WASHC4: variants seen among roughly 807,000 people sequenced by gnomAD.
WASHC4 encodes the protein WASH complex subunit 7.
In WASHC4, 86 loss-of-function variants were observed where a neutral mutation model predicts 166.6. That is an observed-to-expected ratio of 0.52 (90% CI 0.43 to 0.62). The LOEUF (loss-of-function observed/expected upper bound fraction) is 0.62. Among genes scored for constraint, WASHC4 ranks in the 20% least tolerant of loss-of-function variants. WASHC4 has a pLI of 0.00. For missense variants in WASHC4, 1,262 were observed against 1,382.4 expected (o/e 0.91, Z 1.38); for synonymous variants, 446 against 451.6 (o/e 0.99, Z 0.16).
intron 13 of WASHC4, among the ~76,000 whole-genome samples, chr12:105,128,993 TGGAG>T (rs1204132563): frequency 6.6e-6 from 1 of 151,072 alleles, no homozygotes; most frequent in African/African-American, 2.4e-5. Context: ...TCGCCCAGGC[TGGAG>T]TGCAGTGGTG....
chr12:105,110,059 A>G (rs2135715751), intron 1 of WASHC4, among the ~76,000 whole-genome samples: 1 of 152,320 alleles, frequency 6.6e-6, no homozygotes, highest in South Asian at 2.1e-4. Flanking sequence ...CTTGGCGTTC[A>G]TTAATTTTTG....
chr12:105,137,930 A>G lies in WASHC4; in HGVS notation c.1371A>G (p.Thr457=). 1 of 1,612,078 alleles carries G rather than the reference A, an allele frequency of 6.2e-7. No homozygotes were observed. Among genetic ancestry groups the G allele is most frequent in the Non-Finnish European group, 8.5e-7 (1 of 1,178,324 alleles). ...AYSISTIIKT[T]MNLYMSMQKP... ...GTATTAGTACCATTATTAAAACCAC[A>G]ATGAATCTCTACATGTCCATGCAAA... Residue 457 remains threonine (T), a synonymous_variant, in exon 15 of 33, where the codon ACA becomes ACG. Coordinates refer to ENST00000332180, the MANE Select transcript of WASHC4 (RefSeq NM_015275.3).
Position 105,115,218 on chromosome 12 carries a change from A to G in WASHC4, c.356A>G (p.Tyr119Cys), listed in dbSNP as rs763244726. Residue 119 changes from tyrosine to cysteine, a missense_variant, in exon 5 of 33, where the codon TAT (tyrosine) becomes TGT (cysteine). Tyr to Cys is a radical substitution (Grantham distance 194, BLOSUM62 -2). Transcript: ENST00000332180. The part of the protein sequence containing the change: ...ETKFYNGLLF[Y>C]GEGATDASMV... ...AAATTTTACAATGGTCTCTTGTTTT[A>G]TGGAGAAGGAGGTAAGTTTAAAATT... The G allele has an allele frequency of 4.5e-6, 7 of 1,558,908 alleles. No homozygotes were observed. In the East Asian group the frequency reaches 1.1e-4, roughly 25 times the overall value.
chr12:105,120,107 C>CA (rs1880587289), intron 7 of WASHC4, among the ~76,000 whole-genome samples: 1 of 152,120 alleles, frequency 6.6e-6, no homozygotes. Context: ...AAACAAAAGA[C>CA]AAAGACCAGT....
In WASHC4 at chr12:105,133,875, T is replaced by C. The variant is rs368804051; in HGVS notation, c.1305T>C (p.Asn435=). The C allele has an allele frequency of 6.2e-7, 1 of 1,612,210 alleles. No homozygotes were observed. Among genetic ancestry groups the C allele is most frequent in the Non-Finnish European group, 8.5e-7 (1 of 1,178,730 alleles). ...RMDKFAEDLT[N]RCNVFIQGFL... is the part of the protein sequence containing the mutation. ...ATAAATTTGCTGAAGATCTCACCAA[T>C]AGATGTAATGTTTTTATACAGGTAG... Residue 435 remains asparagine, a synonymous_variant, in exon 14 of 33, where the codon AAT becomes AAC. Coordinates refer to ENST00000332180, the MANE Select transcript of WASHC4 (RefSeq NM_015275.3).
At chr12:105,153,831 C>T (rs1450343482) in intron 26 of WASHC4, among the ~76,000 whole-genome samples, 1 of 151,884 alleles carries the variant, frequency 6.6e-6, no homozygotes, top group African/African-American at 2.4e-5. Context: ...ATAATTTTTC[C>T]TTAGAAATAA....
intron 5 of WASHC4, 85 bp from the exon 6 acceptor site, chr12:105,115,576 A>C: frequency 9.9e-7 from 1 of 1,014,428 alleles, no homozygotes; most frequent in Non-Finnish European, 1.6e-6. Context: ...TCCTAATGAA[A>C]AAAAAAAACT....
chr12:105,116,700 A>G (rs1015969395), intron 6 of WASHC4, among the ~76,000 whole-genome samples: 18 of 152,234 alleles, frequency 1.2e-4, no homozygotes, highest in African/African-American at 4.1e-4. Flanking sequence ...TATGTATCCC[A>G]TAACATGTTG....
chr12:105,108,854 G>A (rs1879352334), intron 1 of WASHC4, among the ~76,000 whole-genome samples: 1 of 152,076 alleles, frequency 6.6e-6, no homozygotes, highest in Non-Finnish European at 1.5e-5. Context: ...GATGAATTAG[G>A]TTTTACAAGT....
At chr12:105,124,041 G>C (rs994650833) in intron 10 of WASHC4, among the ~76,000 whole-genome samples, 1 of 150,706 alleles carries the variant, frequency 6.6e-6, no homozygotes, top group African/African-American at 2.4e-5. Flanking sequence ...GCAATAAAGT[G>C]TTTTTTAATT....
At chr12:105,157,129 A>G (rs185146463) in intron 27 of WASHC4, 107 bp from the exon 28 acceptor site, 2 of 683,986 alleles carry the variant, frequency 2.9e-6, no homozygotes, top group Admixed American at 4.8e-5. Context: ...AGTTGTTTCC[A>G]AATACATAGT....
chr12:105,115,157 T>C, intron 4 of WASHC4, 27 bp from the exon 5 acceptor site: 1 of 1,254,744 alleles, frequency 8.0e-7, no homozygotes, highest in South Asian at 1.2e-5. Context: ...ACCTTTAAAA[T>C]TATTTTAATT....
rs551257678 is a variant in WASHC4, at chr12:105,123,965, T to G, written c.786+1727T>G. Reference sequence around the variant, plus strand: ...AAGCCTGATGACAGCATATCAACATTGAGGCAAGACCCTTGGCCAGCAAAA... The same window carrying G: ...AAGCCTGATGACAGCATATCAACATGGAGGCAAGACCCTTGGCCAGCAAAA... On this transcript the variant is annotated intron_variant, in intron 10 of 32. Coordinates refer to ENST00000332180, the MANE Select transcript of WASHC4 (RefSeq NM_015275.3). Among the ~76,000 whole-genome samples the G allele has an allele frequency of 3.3e-5, 5 of 152,294 alleles. No individual in the cohort carries two copies. In the East Asian group the frequency reaches 9.6e-4, roughly 29 times the overall value.
chr12:105,122,934 CCTCTAAGTGTTCA>C (rs1244760908), intron 10 of WASHC4, among the ~76,000 whole-genome samples: 1 of 152,120 alleles, frequency 6.6e-6, no homozygotes, highest in East Asian at 1.9e-4. Flanking sequence ...CCTACAGTGG[CCTCTAAGTGTTCA>C]AACGAAAAGA....
chr12:105,152,209 TATTA>T (rs1883823626), intron 25 of WASHC4, 130 bp from the exon 26 acceptor site: 1 of 633,032 alleles, frequency 1.6e-6, no homozygotes, highest in Non-Finnish European at 2.9e-6. Context: ...GTGTATGAAT[TATTA>T]ATCTTAATTA....
Position 105,152,323 on chromosome 12 carries a change from C to A in WASHC4, c.2650-20C>A. On this transcript the variant is annotated intron_variant, in intron 25 of 32. Transcript: ENST00000332180. ...CTTTAGAAATCTTTATTAAAAGTAG[C>A]CTTAAAATTTTCTGTCTAGTATCCT... 8.0e-7 allele frequency: 1 copy of A among 1,242,256 alleles called. No homozygotes were observed. Among genetic ancestry groups the A allele is most frequent in the Non-Finnish European group, 1.2e-6 (1 of 841,626 alleles). The allele number at this position is 1,242,256 out of a possible 1,614,324, so 77.0% of individuals were successfully genotyped here.
At position 105,115,231 on chromosome 12, in the gene WASHC4, TA is replaced by T; in HGVS notation, c.367+4del. ...GTCTCTTGTTTTATGGAGAAGGAGG[TA>T]AGTTTAAAATTCCAAATTGTGATGC... On this transcript the variant is annotated splice_donor_region_variant and intron_variant, in intron 5 of 32. Transcript: ENST00000332180. 6.4e-7 allele frequency: 1 copy of T among 1,559,176 alleles called. No individual in the cohort carries two copies. Among genetic ancestry groups the T allele is most frequent in the Non-Finnish European group, 8.8e-7 (1 of 1,130,906 alleles).
chr12:105,166,985 T>C lies in WASHC4; in HGVS notation c.*54T>C, dbSNP rs1435537761. On this transcript the variant is annotated 3_prime_UTR_variant, in exon 33 of 33. Transcript: ENST00000332180. ...GAAATCATCAGAATTGTTAAAACTT[T>C]TGCCAGTGGAATGGATAAACTATTG... is the stretch of plus-strand genomic sequence containing the variant. The C allele has an allele frequency of 2.4e-6, 3 of 1,244,158 alleles. No homozygotes were observed. The African/African-American group carries it at 4.4e-5, about 18-fold the overall frequency. The allele number at this position is 1,244,158 out of a possible 1,614,324, so 77.1% of individuals were successfully genotyped here.
intron 10 of WASHC4, 56 bp downstream of exon 10, chr12:105,122,294 C>T: frequency 6.4e-7 from 1 of 1,567,144 alleles, no homozygotes; most frequent in Non-Finnish European, 8.7e-7. Context: ...CGACAAAGCT[C>T]AGAATTATAG....
Sources: gnomAD v4.1 joint callset for allele counts (sites outside exome capture counted in the v4.1 genomes callset) on GRCh38, gnomAD v4.1.1 for gene constraint, MANE v1.5 for transcripts, NCBI Gene and HGNC (gene_info 2026-07-23, HGNC 2026-07-21) for gene names.